The following SLC6A19 variants were observed in gnomAD, a reference collection of about 807,000 sequenced individuals.
SLC6A19 encodes the protein solute carrier family 6 member 19.
A neutral mutation model predicts 68.3 loss-of-function variants in SLC6A19; 67 were observed. The ratio of observed to expected loss-of-function variants is 0.98; its 90% CI spans 0.81 to 1.20. The LOEUF (loss-of-function observed/expected upper bound fraction) is 1.20, where lower values mean the gene tolerates loss of function less well. SLC6A19 is among the 50% of genes most tolerant of loss of function. The probability of loss-of-function intolerance (pLI) is 0.00; values close to 1 mark genes in which losing one functional copy is unlikely to be tolerated. For missense variants in SLC6A19, 813 were observed against 851.6 expected (o/e 0.95, Z 0.56); for synonymous variants, 392 against 374.9 (o/e 1.05, Z -0.53).
chr5:1,203,043 C>T (rs1745759317), intron 1 of SLC6A19, among the ~76,000 whole-genome samples: 1 of 152,106 alleles, frequency 6.6e-6, no homozygotes, highest in South Asian at 2.1e-4. Flanking sequence ...GCCCCCTCCC[C>T]CAGGGCCCTA....
In SLC6A19 at chr5:1,214,113, G is replaced by C; in HGVS notation, c.887+48G>C. The C allele has an allele frequency of 6.2e-7, 1 of 1,612,748 alleles. No individual in the cohort carries two copies. Among genetic ancestry groups the C allele is most frequent in the Non-Finnish European group, 8.5e-7 (1 of 1,179,676 alleles). Reference sequence around the variant, plus strand: ...TCAGTTTCCCTCTCAGTCCTGGGGGGATCTTGCTGGGAGGATAAAAGACAA... The same window carrying C: ...TCAGTTTCCCTCTCAGTCCTGGGGGCATCTTGCTGGGAGGATAAAAGACAA... On this transcript the variant is annotated intron_variant, in intron 6 of 11. Transcript: ENST00000304460. This position sits in a 1 kb window ranked among gnomAD's most constrained non-coding sequence, Gnocchi z 7.4.
Position 1,213,516 on chromosome 5 carries a change from C to A in SLC6A19, c.717C>A (p.Ile239=). 3.1e-6 allele frequency: 5 copies of A among 1,608,484 alleles called. No individual in the cohort carries two copies. The highest frequency in any genetic ancestry group is 4.2e-6 in the Non-Finnish European group (5 of 1,178,024). The change falls in exon 5 of 12, where the codon ATC becomes ATA. Residue 239 remains isoleucine, a synonymous_variant. Transcript: ENST00000304460. ...LPYVVLTIFL[I]RGLTLKGATN... ...ATGTCGTCCTGACCATCTTCCTCAT[C>A]CGAGGCCTGACGCTGAAGGGCGCCA...
chr5:1,220,551 C>T (rs541171977), intron 10 of SLC6A19, among the ~76,000 whole-genome samples: 2 of 152,170 alleles, frequency 1.3e-5, no homozygotes, highest in African/African-American at 2.4e-5. Context: ...AAGCCCTTGC[C>T]GGGTGTGAGG....
In SLC6A19 at chr5:1,215,549, A is replaced by C. The variant is rs545207556; in HGVS notation, c.888-1009A>C. On this transcript the variant is annotated intron_variant, in intron 6 of 11. Transcript: ENST00000304460. This position sits in a 1 kb window ranked among gnomAD's most constrained non-coding sequence, Gnocchi z 5.1. ...TCCTTGCATGGGGCACAACATCCTC[A>C]AGGCTCATCCCATCACAGCCGGCGT... is the stretch of plus-strand genomic sequence containing the variant. Among the ~76,000 whole-genome samples, 19 of 152,332 alleles carry C rather than the reference A, an allele frequency of 1.2e-4. No homozygotes were observed. In the East Asian group the frequency reaches 3.5e-3, roughly 28 times the overall value.
chr5:1,202,141 G>A (rs1029708301), intron 1 of SLC6A19, among the ~76,000 whole-genome samples: 1 of 152,222 alleles, frequency 6.6e-6, no homozygotes, highest in Non-Finnish European at 1.5e-5. Context: ...CTGGCCTGAG[G>A]GTGGGGCCGG....
At chr5:1,202,169 C>G (rs188417936) in intron 1 of SLC6A19, among the ~76,000 whole-genome samples, 1 of 152,226 alleles carries the variant, frequency 6.6e-6, no homozygotes, top group Non-Finnish European at 1.5e-5. Context: ...GTGTTTCTCC[C>G]GGTACAGCCC....
rs762306972 is a variant in SLC6A19 at position 1,216,898 on chromosome 5, G to A, written c.1126G>A (p.Ala376Thr). The change falls in exon 8 of 12, where the codon GCG becomes ACG. Residue 376 changes from alanine (A) to threonine (T), a missense_variant. Physicochemically the swap from Ala to Thr is moderately conservative, Grantham distance 58. Transcript: ENST00000304460. ...CAACGCCTCCGACCCCGCGGCCTAC[G>A]CGCAGCTGGTGTTCCAGACCTGCGA... ...RCNASDPAAYAQLVFQTCDIN... is the reference protein window; with the variant it reads ...RCNASDPAAYTQLVFQTCDIN... 16 of 1,613,592 alleles carry A rather than the reference G, an allele frequency of 9.9e-6. No individual in the cohort carries two copies. Among genetic ancestry groups the A allele is most frequent in the East Asian group, 4.5e-5 (2 of 44,888 alleles).
Position 1,219,640 on chromosome 5 carries a change from T to C in SLC6A19, c.1514T>C (p.Val505Ala), listed in dbSNP as rs1348764052. Residue 505 changes from valine to alanine, a missense_variant, in exon 10 of 12, where the codon GTG becomes GCG. Val to Ala is a moderately conservative substitution (Grantham distance 64). Transcript: ENST00000304460. ...LIIAFCEMFSVVYVYGVDRFN... is the reference protein window; with the variant it reads ...LIIAFCEMFSAVYVYGVDRFN... ...ATCGCCTTCTGCGAGATGTTCTCTG[T>C]GGTCTACGTGTACGGTGTGGACAGG... is the stretch of plus-strand genomic sequence containing the variant. 1.9e-6 allele frequency: 3 copies of C among 1,607,056 alleles called. No homozygotes were observed. Among genetic ancestry groups the C allele is most frequent in the Non-Finnish European group, 2.5e-6 (3 of 1,180,006 alleles).
In SLC6A19 at chr5:1,215,665, T is replaced by A. The variant is rs1746186610; in HGVS notation, c.888-893T>A. ...TATCCATCCATGGACATTTTCCACGTTTTGGCTGTCATGAGTCATGCTGAC... is the reference window on the plus strand; with the variant it reads ...TATCCATCCATGGACATTTTCCACGATTTGGCTGTCATGAGTCATGCTGAC... On this transcript the variant is annotated intron_variant, in intron 6 of 11. Coordinates refer to ENST00000304460, the MANE Select transcript of SLC6A19 (RefSeq NM_001003841.3). This position sits in a 1 kb window ranked among gnomAD's most constrained non-coding sequence, Gnocchi z 5.1. Among the ~76,000 whole-genome samples the A allele has an allele frequency of 6.6e-6, 1 of 152,214 alleles. No individual in the cohort carries two copies. The highest frequency in any genetic ancestry group is 2.4e-5 in the African/African-American group (1 of 41,432).
rs773251062 is a variant in SLC6A19, at chr5:1,216,612, G to A, written c.942G>A (p.Ser314=). 1.5e-5 allele frequency: 24 copies of A among 1,613,994 alleles called. No individual in the cohort carries two copies. The highest frequency in any genetic ancestry group is 4.0e-5 in the African/African-American group (3 of 74,944). Residue 314 remains serine, a synonymous_variant, in exon 7 of 12, where the codon TCG becomes TCA. Transcript: ENST00000304460. ...VIVSIINGFT[S]VYVAIVVYSV... The stretch of plus-strand genomic sequence containing the variant: ...TGTCCATCATCAACGGCTTCACATC[G>A]GTGTATGTGGCCATCGTGGTCTACT...
At chr5:1,218,765 C>G in intron 8 of SLC6A19, 138 bp from the exon 9 acceptor site, 1 of 801,166 alleles carries the variant, frequency 1.2e-6, no homozygotes. Flanking sequence ...GCCTAAAAGA[C>G]AAGATCTAGC....
At chr5:1,221,387 A>G in intron 11 of SLC6A19, 74 bp downstream of exon 11, 4 of 1,564,750 alleles carry the variant, frequency 2.6e-6, no homozygotes, top group Non-Finnish European at 3.5e-6. Flanking sequence ...ATCCACACAC[A>G]TGGCGCATGC....
rs781037685 is a variant in SLC6A19, at chr5:1,218,947, C to T, written c.1218C>T (p.Ala406=). 4.3e-6 allele frequency: 7 copies of T among 1,614,056 alleles called. No individual in the cohort carries two copies. In the South Asian group the frequency reaches 7.7e-5, roughly 18 times the overall value. Residue 406 remains alanine, a synonymous_variant, in exon 9 of 12, where the codon GCC becomes GCT. Coordinates refer to ENST00000304460, the MANE Select transcript of SLC6A19 (RefSeq NM_001003841.3). The part of the protein sequence containing the change: ...TGLAFIVFTE[A]ITKMPLSPLW... Reference sequence around the variant, plus strand: ...TGGCCTTCATCGTCTTCACCGAGGCCATCACCAAGATGCCGTTGTCCCCAC... The same window carrying T: ...TGGCCTTCATCGTCTTCACCGAGGCTATCACCAAGATGCCGTTGTCCCCAC...
At position 1,216,781 on chromosome 5, in the gene SLC6A19, AC is replaced by A; in HGVS notation, c.1017-5del. 1 of 1,613,658 alleles carries A rather than the reference AC, an allele frequency of 6.2e-7. No individual in the cohort carries two copies. Among genetic ancestry groups the A allele is most frequent in the Non-Finnish European group, 8.5e-7 (1 of 1,180,024 alleles). ...CCAGGTGGCCGTCAGCCTCAATCTG[AC>A]CCGCAGGAACATCCTGACCCTCATC... On this transcript the variant is annotated splice_polypyrimidine_tract_variant and splice_region_variant and intron_variant, in intron 7 of 11. Coordinates refer to ENST00000304460, the MANE Select transcript of SLC6A19 (RefSeq NM_001003841.3).
Position 1,216,552 on chromosome 5 carries a change from C to T in SLC6A19, c.888-6C>T, listed in dbSNP as rs1280995491. The T allele has an allele frequency of 1.9e-6, 3 of 1,614,096 alleles. No individual in the cohort carries two copies. Among genetic ancestry groups the T allele is most frequent in the East Asian group, 4.5e-5 (2 of 44,890 alleles). ...CCAGCCGCCATGACACTGGTCTCGT[C>T]TGCAGCAACAACTGCGAGAAGGACT... On this transcript the variant is annotated splice_polypyrimidine_tract_variant and splice_region_variant and intron_variant, in intron 6 of 11. Transcript: ENST00000304460.
intron 3 of SLC6A19, among the ~76,000 whole-genome samples, chr5:1,211,340 G>T (rs1262877588): frequency 1.3e-5 from 2 of 152,262 alleles, no homozygotes; most frequent in Non-Finnish European, 2.9e-5. Context: ...AAAGGTCTCA[G>T]GATGGTTCCA....
chr5:1,203,770 C>T (rs1198391447), intron 1 of SLC6A19, among the ~76,000 whole-genome samples: 1 of 152,264 alleles, frequency 6.6e-6, no homozygotes, highest in Non-Finnish European at 1.5e-5. Context: ...AGCTGAAGCC[C>T]ACACTGCAGC....
chr5:1,213,595 G>C, intron 5 of SLC6A19, 22 bp downstream of exon 5: 1 of 1,603,286 alleles, frequency 6.2e-7, no homozygotes, highest in Non-Finnish European at 8.5e-7. Context: ...AGGCTGCCCT[G>C]GGCCCAGACC....
At position 1,214,073 on chromosome 5, in the gene SLC6A19, C is replaced by T. The variant is rs375506845; in HGVS notation, c.887+8C>T. 223 of 1,613,712 alleles carry T rather than the reference C, an allele frequency of 1.4e-4. 2 individuals are homozygous for T. Among genetic ancestry groups the T allele is most frequent in the African/African-American group, 8.7e-4 (65 of 75,052 alleles). On this transcript the variant is annotated splice_region_variant and intron_variant, in intron 6 of 11. Transcript: ENST00000304460. The surrounding 1 kb of genome is among the most constrained non-coding windows in gnomAD (Gnocchi z 7.4). ...CAGCTACAACTCTGTGCAGTGAGTG[C>T]GGGTGTGGTGGGCCTCAGTTTCCCT...
Sources: allele counts gnomAD v4.1 joint callset (sites outside exome capture counted in the v4.1 genomes callset), GRCh38; gene constraint gnomAD v4.1.1; non-coding constraint Gnocchi (gnomAD v3.1); transcripts MANE v1.5; gene names NCBI Gene and HGNC (gene_info 2026-07-23, HGNC 2026-07-21).